IFT56: variants seen among roughly 807,000 people sequenced by gnomAD.
IFT56 encodes intraflagellar transport protein 56.
the IFT56 span, among the ~76,000 whole-genome samples, chr7:139,187,922 C>G: frequency 8.7e-4 from 131 of 150,278 alleles, 1 homozygote; most frequent in Admixed American, 7.6e-3. Flanking sequence ...TGTTTTTTGC[C>G]TATTGGCTTT....
chr7:139,145,240 A>C, the IFT56 span, among the ~76,000 whole-genome samples: 3 of 151,980 alleles, frequency 2.0e-5, no homozygotes, highest in East Asian at 3.9e-4. Context: ...TAAGCCCATA[A>C]GACTTCTTGA....
the IFT56 span, among the ~76,000 whole-genome samples, chr7:139,183,645 A>G: frequency 6.6e-6 from 1 of 152,074 alleles, no homozygotes; most frequent in Non-Finnish European, 1.5e-5. Flanking sequence ...TTCACTTTAA[A>G]TATATTTACA....
chr7:139,160,276 A>C, the IFT56 span, among the ~76,000 whole-genome samples: 1 of 152,190 alleles, frequency 6.6e-6, no homozygotes. Flanking sequence ...GGATTTATTA[A>C]CATCTCCTTT....
chr7:139,178,538 C>G, the IFT56 span: 10 of 1,613,958 alleles, frequency 6.2e-6, no homozygotes, highest in Admixed American at 3.3e-5. Flanking sequence ...ATGATGACAT[C>G]TTTAACTTTA....
At chr7:139,183,674 A>AT in the IFT56 span, among the ~76,000 whole-genome samples, 4 of 151,786 alleles carry the variant, frequency 2.6e-5, no homozygotes, top group Admixed American at 1.3e-4. Flanking sequence ...AAATAAAAGG[A>AT]TAAAAAAAAA....
At chr7:139,136,744 A>G in the IFT56 span, among the ~76,000 whole-genome samples, 1 of 152,174 alleles carries the variant, frequency 6.6e-6, no homozygotes, top group Non-Finnish European at 1.5e-5. Flanking sequence ...TGCTGGGATT[A>G]CAGGGCCAGA....
At chr7:139,189,388 C>T in the IFT56 span, 20 of 1,613,170 alleles carry the variant, frequency 1.2e-5, no homozygotes, top group African/African-American at 4.0e-5. Context: ...ATACATGATC[C>T]GGATCATGAA....
At chr7:139,137,948 A>G in the IFT56 span, 10 of 1,594,698 alleles carry the variant, frequency 6.3e-6, no homozygotes, top group East Asian at 2.0e-4. Context: ...AGGTTAGTGT[A>G]AAAAAAGTTT....
At chr7:139,152,536 T>C in the IFT56 span, among the ~76,000 whole-genome samples, 1 of 152,218 alleles carries the variant, frequency 6.6e-6, no homozygotes, top group South Asian at 2.1e-4. Flanking sequence ...CAAAGATTAG[T>C]AAATTAGAAA....
chr7:139,140,455 A>G, the IFT56 span, among the ~76,000 whole-genome samples: 1 of 127,794 alleles, frequency 7.8e-6, no homozygotes, highest in African/African-American at 4.8e-5. Flanking sequence ...ATTGTACTCA[A>G]ATTTAAGAAT....
chr7:139,168,398 G>A, the IFT56 span: 1 of 1,610,870 alleles, frequency 6.2e-7, no homozygotes, highest in Non-Finnish European at 8.5e-7. Context: ...AATGGGTTCA[G>A]TGAGTATGAA....
At chr7:139,134,799 C>T in the IFT56 span, 1 of 1,611,386 alleles carries the variant, frequency 6.2e-7, no homozygotes, top group East Asian at 2.2e-5. Flanking sequence ...GGAGGTAATG[C>T]CCAAAGAACG....
At chr7:139,149,805 A>G in the IFT56 span, among the ~76,000 whole-genome samples, 4 of 152,152 alleles carry the variant, frequency 2.6e-5, no homozygotes, top group Non-Finnish European at 5.9e-5. Flanking sequence ...GCCATAGATT[A>G]TTACCTCCTT....
the IFT56 span, chr7:139,165,278 A>G: frequency 1.5e-6 from 2 of 1,357,256 alleles, no homozygotes; most frequent in South Asian, 2.5e-5. Context: ...GAGATATTTT[A>G]GAATAGTTAA....
chr7:139,186,865 C>T, the IFT56 span, among the ~76,000 whole-genome samples: 57 of 150,788 alleles, frequency 3.8e-4, no homozygotes, highest in Admixed American at 2.4e-3. Flanking sequence ...GAGGCTGAGA[C>T]GGGTGGATCA....
At chr7:139,161,354 G>A in the IFT56 span, 1 of 227,294 alleles carries the variant, frequency 4.4e-6, no homozygotes, top group Non-Finnish European at 8.5e-6. Context: ...AAGGATGGCT[G>A]AGATTTGGAG....
chr7:139,178,652 T>C, the IFT56 span: 13 of 1,483,998 alleles, frequency 8.8e-6, no homozygotes, highest in South Asian at 1.5e-4. Flanking sequence ...AACATCCTTA[T>C]CTTTTTCTCA....
the IFT56 span, among the ~76,000 whole-genome samples, chr7:139,162,068 T>G: frequency 3.3e-5 from 5 of 152,102 alleles, no homozygotes; most frequent in Non-Finnish European, 7.4e-5. Context: ...TAGAATGGAT[T>G]AAAAATAGAA....
At chr7:139,144,066 A>AT in the IFT56 span, among the ~76,000 whole-genome samples, 1 of 152,074 alleles carries the variant, frequency 6.6e-6, no homozygotes, top group Non-Finnish European at 1.5e-5. Context: ...GTTAATATTC[A>AT]TTTATAATTA....
Sources: allele counts gnomAD v4.1 joint callset (sites outside exome capture counted in the v4.1 genomes callset), GRCh38; gene constraint gnomAD v4.1.1; transcripts MANE v1.5; gene names NCBI Gene and HGNC (gene_info 2026-07-23, HGNC 2026-07-21).